NEDD4L: variants seen among roughly 807,000 people sequenced by gnomAD.
The protein encoded by NEDD4L is E3 ubiquitin-protein ligase NEDD4-like.
In NEDD4L, 54 loss-of-function variants were observed where a neutral mutation model predicts 148.9. The ratio of observed to expected loss-of-function variants is 0.36; its 90% confidence interval spans 0.29 to 0.45. The LOEUF is 0.45. Among genes scored for constraint, NEDD4L ranks in the 20% least tolerant of loss-of-function variants. The pLI is 1.00. For synonymous variants in NEDD4L, 433 were observed against 440.7 expected, an observed-to-expected ratio of 0.98 and a Z score of 0.22; for missense variants, 856 against 1,233.8, an observed-to-expected ratio of 0.69 and a Z score of 4.59.
chr18:58,379,035 G>A (rs1321172874), intron 24 of NEDD4L, among the ~76,000 whole-genome samples: 1 of 152,232 alleles, frequency 6.6e-6, no homozygotes, highest in African/African-American at 2.4e-5. Context: ...CTGTGGCTGG[G>A]CATTGTGTTC....
intron 5 of NEDD4L, among the ~76,000 whole-genome samples, chr18:58,252,831 C>T (rs1367467337): frequency 6.6e-6 from 1 of 152,082 alleles, no homozygotes; most frequent in African/African-American, 2.4e-5. Context: ...AAGCAGGACT[C>T]CAGGATAGCT....
chr18:58,367,330 ACATCTTATGGCC>A, intron 21 of NEDD4L: 2 of 165,986 alleles, frequency 1.2e-5, no homozygotes, highest in Admixed American at 5.9e-5. Context: ...CCCATAGCAA[ACATCTTATGGCC>A]AAGCCAAAAG....
intron 1 of NEDD4L, among the ~76,000 whole-genome samples, chr18:58,082,282 A>G (rs1231673179): frequency 1.4e-5 from 2 of 146,426 alleles, no homozygotes; most frequent in Non-Finnish European, 3.0e-5. Flanking sequence ...TAATTTTTGT[A>G]TTTTTAGTAG....
chr18:58,347,205 G>GCCCCCCCCCCCCCCCCCCCC lies in NEDD4L; in HGVS notation c.1576-2324_1576-2323insCCCCCCCCCCCCCCCCCCCC, dbSNP rs138430099. Among the ~76,000 whole-genome samples, 7 of 39,588 alleles carry GCCCCCCCCCCCCCCCCCCCC rather than the reference G, an allele frequency of 1.8e-4. 1 individual carries two copies. Among genetic ancestry groups the GCCCCCCCCCCCCCCCCCCCC allele is most frequent in the Admixed American group, 2.4e-4 (1 of 4,202 alleles). 26.0% of individuals were successfully genotyped at this position (39,588 alleles called of 152,430 possible). On this transcript the variant is annotated intron_variant, in intron 16 of 30. Coordinates refer to ENST00000400345, the MANE Select transcript of NEDD4L (RefSeq NM_001144967.3). Reference sequence around the variant, plus strand: ...AATTTCAGCTTCTTTTCACGCTACGGCCCCCCCCGCCCCCCCCCCCCCTTT... The same window carrying GCCCCCCCCCCCCCCCCCCCC: ...AATTTCAGCTTCTTTTCACGCTACGGCCCCCCCCCCCCCCCCCCCCCCCCCCCCGCCCCCCCCCCCCCTTT...
At chr18:58,272,796 C>A (rs967691396) in intron 5 of NEDD4L, among the ~76,000 whole-genome samples, 2 of 152,188 alleles carry the variant, frequency 1.3e-5, no homozygotes, top group Non-Finnish European at 1.5e-5. Context: ...GTGCCGAGTT[C>A]TAGAGATGCA....
At chr18:58,277,263 TC>T (rs1438476564) in intron 5 of NEDD4L, among the ~76,000 whole-genome samples, 3 of 151,504 alleles carry the variant, frequency 2.0e-5, no homozygotes, top group African/African-American at 7.3e-5. Flanking sequence ...AAAAAAATGC[TC>T]TGCTGAAAAC....
Position 58,108,602 on chromosome 18 carries a change from G to A in NEDD4L, c.49-57186G>A, listed in dbSNP as rs572560842. Among the ~76,000 whole-genome samples, 9 of 152,196 alleles carry A rather than the reference G, an allele frequency of 5.9e-5. No individual in the cohort carries two copies. The East Asian group carries it at 9.7e-4, about 16-fold the overall frequency. ...CGCCCAGCTAATTTTTGTATTTTTA[G>A]TAGAGACAGGGTTTCATCATGTTGG... is the stretch of plus-strand genomic sequence containing the variant. On this transcript the variant is annotated intron_variant, in intron 1 of 30. Coordinates refer to ENST00000400345, the MANE Select transcript of NEDD4L (RefSeq NM_001144967.3).
chr18:58,061,100 TCTGACA>T (rs201584807), intron 1 of NEDD4L, among the ~76,000 whole-genome samples: 1,660 of 152,230 alleles, frequency 0.011, 26 homozygotes, highest in African/African-American at 0.037. Context: ...AGGAGATGCC[TCTGACA>T]TCTAGAAGGT....
intron 5 of NEDD4L, among the ~76,000 whole-genome samples, chr18:58,280,176 A>G (rs1029378593): frequency 1.3e-5 from 2 of 152,102 alleles, no homozygotes; most frequent in Non-Finnish European, 2.9e-5. Context: ...CTGAGCAGCC[A>G]CTGCACGTGG....
chr18:58,212,345 G>A (rs1422268308), intron 2 of NEDD4L, among the ~76,000 whole-genome samples: 1 of 152,138 alleles, frequency 6.6e-6, no homozygotes, highest in African/African-American at 2.4e-5. Context: ...AAGGAAAGAG[G>A]TTTCACAGTT....
At chr18:58,139,798 C>G (rs996503243) in intron 1 of NEDD4L, among the ~76,000 whole-genome samples, 5 of 152,126 alleles carry the variant, frequency 3.3e-5, no homozygotes, top group East Asian at 1.9e-4. Flanking sequence ...AGGAAACCAC[C>G]GTAGAACCCC....
intron 4 of NEDD4L, among the ~76,000 whole-genome samples, chr18:58,250,467 T>C (rs1363223791): frequency 1.3e-5 from 2 of 152,200 alleles, no homozygotes; most frequent in Non-Finnish European, 2.9e-5. Context: ...CAAATCTTTA[T>C]TGAGTGCCTA....
chr18:58,281,325 A>T (rs1600655345), intron 5 of NEDD4L, among the ~76,000 whole-genome samples: 1 of 150,626 alleles, frequency 6.6e-6, no homozygotes, highest in Non-Finnish European at 1.5e-5. Context: ...TTTTTTTTAA[A>T]CTGGAAAGGA....
chr18:58,189,050 C>T (rs1459362059), intron 2 of NEDD4L, among the ~76,000 whole-genome samples: 1 of 152,128 alleles, frequency 6.6e-6, no homozygotes, highest in Non-Finnish European at 1.5e-5. Context: ...CCTGACAGCT[C>T]CAAAAGCCTT....
At chr18:58,120,561 C>T (rs537381956) in intron 1 of NEDD4L, among the ~76,000 whole-genome samples, 154 of 152,240 alleles carry the variant, frequency 1.0e-3, no homozygotes, top group Non-Finnish European at 1.8e-3. Flanking sequence ...GGGCGGATCA[C>T]GAGGTCAGGA....
Position 58,343,011 on chromosome 18 carries a change from A to G in NEDD4L, c.1483A>G (p.Thr495Ala), listed in dbSNP as rs1297218616. The change falls in exon 16 of 31, where the codon ACA (threonine) becomes GCA (alanine). Residue 495 changes from threonine to alanine, a missense_variant. This residue lies in a region of NEDD4L where 367 missense variants were observed against 422.7 expected (regional missense o/e 0.87). Transcript: ENST00000400345. ...CTCCCCCAAACCACAACACAAAGTC[A>G]CACAGAGCTTCTTGCCACCCGGCTG... is the stretch of plus-strand genomic sequence containing the variant. ...YNSPKPQHKVTQSFLPPGWEM... is the reference protein window; with the variant it reads ...YNSPKPQHKVAQSFLPPGWEM... The G allele has an allele frequency of 3.1e-6, 5 of 1,613,818 alleles. No homozygotes were observed. Among genetic ancestry groups the G allele is most frequent in the Non-Finnish European group, 4.2e-6 (5 of 1,179,800 alleles).
rs1425269587 is a variant in NEDD4L at position 58,256,171 on chromosome 18, C to G, written c.297+4117C>G. The G allele has an allele frequency of 1.6e-6, 2 of 1,217,912 alleles. No homozygotes were observed. The highest frequency in any genetic ancestry group is 2.0e-6 in the Non-Finnish European group (2 of 979,342). The allele number at this position is 1,217,912 out of a possible 1,614,324, so 75.4% of individuals were successfully genotyped here. ...CGTGCGGCCGCCGCGTGCGGTGCTC[C>G]GGCCCCGTGGACTGCGCGGAGGAGG... is the stretch of plus-strand genomic sequence containing the variant. On this transcript the variant is annotated intron_variant, in intron 5 of 30. Coordinates refer to ENST00000400345, the MANE Select transcript of NEDD4L (RefSeq NM_001144967.3). The surrounding 1 kb of genome is among the most constrained non-coding windows in gnomAD (Gnocchi z 5.2).
At chr18:58,378,733 C>T (rs2047918942) in intron 24 of NEDD4L, among the ~76,000 whole-genome samples, 2 of 152,208 alleles carry the variant, frequency 1.3e-5, no homozygotes, top group South Asian at 4.1e-4. Context: ...CCCAGCAGTG[C>T]TCCGTTTCCA....
intron 13 of NEDD4L, among the ~76,000 whole-genome samples, chr18:58,336,492 G>A (rs2041787671): frequency 1.3e-5 from 2 of 152,060 alleles, no homozygotes; most frequent in South Asian, 2.1e-4. Flanking sequence ...CAGGAGAATG[G>A]CGTGAACCCG....
Sources: allele counts gnomAD v4.1 joint callset (sites outside exome capture counted in the v4.1 genomes callset), GRCh38; gene constraint gnomAD v4.1.1; regional missense constraint gnomAD v4.1.1; non-coding constraint Gnocchi (gnomAD v3.1); transcripts MANE v1.5; gene names NCBI Gene and HGNC (gene_info 2026-07-23, HGNC 2026-07-21).